KIAA1217: variants seen among roughly 807,000 people sequenced by gnomAD.
KIAA1217 encodes the protein KIAA1217.
A neutral mutation model predicts 163.9 loss-of-function variants in KIAA1217; 88 were observed. That is an observed-to-expected ratio of 0.54 (90% CI 0.45 to 0.64). The LOEUF is 0.64. Ranked by LOEUF, KIAA1217 falls within the 30% of genes least tolerant of loss-of-function variation. The probability of loss-of-function intolerance (pLI) is 0.00; values close to 1 mark genes in which losing one functional copy is unlikely to be tolerated. For synonymous variants in KIAA1217, 903 were observed against 923.1 expected, an observed-to-expected ratio of 0.98 and a Z score of 0.39; for missense variants, 2,372 against 2,475.0, an observed-to-expected ratio of 0.96 and a Z score of 0.88.
chr10:23,835,763 C>A (rs1365324322), intron 1 of KIAA1217, among the ~76,000 whole-genome samples: 1 of 152,092 alleles, frequency 6.6e-6, no homozygotes, highest in East Asian at 1.9e-4. Flanking sequence ...TCCCATTTCA[C>A]ATATAGCCAA....
At chr10:23,996,994 T>G (rs1226405760) in intron 1 of KIAA1217, among the ~76,000 whole-genome samples, 1 of 152,206 alleles carries the variant, frequency 6.6e-6, no homozygotes. Context: ...CCTTCAAAAC[T>G]CACTGTTACT....
chr10:24,201,996 G>T (rs114237704), intron 2 of KIAA1217, among the ~76,000 whole-genome samples: 1 of 152,142 alleles, frequency 6.6e-6, no homozygotes, highest in African/African-American at 2.4e-5. Flanking sequence ...GGGAGTGCAG[G>T]CTGCACGCAG....
chr10:24,178,795 T>C (rs1371249020), intron 2 of KIAA1217, among the ~76,000 whole-genome samples: 1 of 152,222 alleles, frequency 6.6e-6, no homozygotes, highest in Non-Finnish European at 1.5e-5. Flanking sequence ...TTTTGTTCTA[T>C]ATTTTTTGCA....
At chr10:24,151,133 C>T (rs755032251) in intron 2 of KIAA1217, among the ~76,000 whole-genome samples, 2 of 151,956 alleles carry the variant, frequency 1.3e-5, no homozygotes, top group Non-Finnish European at 2.9e-5. Flanking sequence ...CGCATCTGAG[C>T]CAATTGCTGC....
At chr10:23,972,440 G>A (rs189456026) in intron 1 of KIAA1217, among the ~76,000 whole-genome samples, 8 of 152,058 alleles carry the variant, frequency 5.3e-5, no homozygotes, top group East Asian at 3.9e-4. Flanking sequence ...CTGTAAAAAC[G>A]TATGAGATCA....
At chr10:24,333,176 C>T (rs1408780754) in intron 2 of KIAA1217, among the ~76,000 whole-genome samples, 1 of 152,056 alleles carries the variant, frequency 6.6e-6, no homozygotes, top group African/African-American at 2.4e-5. Context: ...AAACGCCCAC[C>T]ACCACAGCCA....
At chr10:23,923,790 T>C (rs1438906319) in intron 1 of KIAA1217, among the ~76,000 whole-genome samples, 1 of 152,206 alleles carries the variant, frequency 6.6e-6, no homozygotes, top group Non-Finnish European at 1.5e-5. Context: ...GGAACAAATC[T>C]GAGTGGTTTT....
chr10:24,051,247 A>C (rs1183991834), intron 2 of KIAA1217, among the ~76,000 whole-genome samples: 1 of 152,166 alleles, frequency 6.6e-6, no homozygotes, highest in Non-Finnish European at 1.5e-5. Context: ...TGCAAATGAC[A>C]TTATTTCATG....
chr10:23,897,844 A>G (rs921824645), intron 1 of KIAA1217, among the ~76,000 whole-genome samples: 1 of 151,380 alleles, frequency 6.6e-6, no homozygotes, highest in South Asian at 2.1e-4. Context: ...AAGGATTTAA[A>G]TGTCTATAGT....
intron 2 of KIAA1217, among the ~76,000 whole-genome samples, chr10:24,105,209 A>T (rs76725670): frequency 1.3e-5 from 2 of 152,178 alleles, no homozygotes; most frequent in African/African-American, 4.8e-5. Context: ...CAAAAAAAGT[A>T]AGGAGCAAGA....
At chr10:23,747,055 T>C (rs1010450) in intron 1 of KIAA1217, among the ~76,000 whole-genome samples, 47,128 of 151,966 alleles carry the variant, frequency 0.31, 8,464 homozygotes, top group African/African-American at 0.5. Flanking sequence ...CTTGAAACCA[T>C]CAGGAAGGAA....
intron 1 of KIAA1217, among the ~76,000 whole-genome samples, chr10:23,899,213 C>T (rs1324748800): frequency 6.6e-6 from 1 of 152,054 alleles, no homozygotes; most frequent in African/African-American, 2.4e-5. Flanking sequence ...AACTGCTGAA[C>T]AATAGGGCAC....
intron 2 of KIAA1217, among the ~76,000 whole-genome samples, chr10:24,059,522 G>T: frequency 6.6e-6 from 1 of 151,986 alleles, no homozygotes; most frequent in African/African-American, 2.4e-5. Flanking sequence ...TTGTTAAGAG[G>T]TTTTTGATTA....
intron 1 of KIAA1217, among the ~76,000 whole-genome samples, chr10:23,954,006 C>T (rs2131360227): frequency 1.3e-5 from 2 of 152,250 alleles, no homozygotes; most frequent in Admixed American, 1.3e-4. Flanking sequence ...ATGAAACCAA[C>T]AATCGTTTAA....
chr10:23,841,164 G>A (rs1026033701), intron 1 of KIAA1217, among the ~76,000 whole-genome samples: 1 of 152,196 alleles, frequency 6.6e-6, no homozygotes, highest in African/African-American at 2.4e-5. Flanking sequence ...TTAGTGCTTT[G>A]TGATAAATTT....
intron 2 of KIAA1217, among the ~76,000 whole-genome samples, chr10:24,039,785 GATAT>G (rs891729750): frequency 7.1e-6 from 1 of 141,692 alleles, no homozygotes; most frequent in Non-Finnish European, 1.5e-5. Flanking sequence ...TTATTGGCAT[GATAT>G]AGATATAGAT....
intron 1 of KIAA1217, among the ~76,000 whole-genome samples, chr10:23,843,252 A>G (rs1838873300): frequency 6.6e-6 from 1 of 152,216 alleles, no homozygotes; most frequent in South Asian, 2.1e-4. Context: ...CAAGGAAATC[A>G]AGTAAAACAG....
chr10:23,907,086 A>G (rs1842192458), intron 1 of KIAA1217, among the ~76,000 whole-genome samples: 1 of 152,068 alleles, frequency 6.6e-6, no homozygotes, highest in African/African-American at 2.4e-5. Flanking sequence ...ATTGACATGA[A>G]AACTGCACAC....
At chr10:24,248,371 A>G (rs2074064255) in intron 2 of KIAA1217, among the ~76,000 whole-genome samples, 1 of 152,188 alleles carries the variant, frequency 6.6e-6, no homozygotes, top group African/African-American at 2.4e-5. Flanking sequence ...CTTTAAATGT[A>G]TACCGAAATG....
Sources: gnomAD v4.1 joint callset for allele counts (sites outside exome capture counted in the v4.1 genomes callset) on GRCh38, gnomAD v4.1.1 for gene constraint, MANE v1.5 for transcripts, NCBI Gene and HGNC (gene_info 2026-07-23, HGNC 2026-07-21) for gene names.